Variants in ZMAT5 observed in about 807,000 individuals in gnomAD.
ZMAT5 encodes zinc finger matrin-type protein 5.
In ZMAT5, 23 loss-of-function variants were observed where a neutral mutation model predicts 28.0. The ratio of observed to expected loss-of-function variants is 0.82; its 90% confidence interval spans 0.59 to 1.16. ZMAT5 has a LOEUF of 1.16. Among genes scored for constraint, ZMAT5 ranks in the 50% most tolerant of loss-of-function variants. ZMAT5 has a pLI of 0.00. For synonymous variants in ZMAT5, 76 were observed against 84.1 expected (o/e 0.90, Z 0.52); for missense variants, 173 against 212.7 (o/e 0.81, Z 1.16).
chr22:29,745,535 G>C (rs539587678), intron 2 of ZMAT5, among the ~76,000 whole-genome samples: 46 of 152,364 alleles, frequency 3.0e-4, no homozygotes, highest in Non-Finnish European at 6.0e-4. Context: ...GATGAAGGCT[G>C]GAGGGAATCC....
chr22:29,762,375 T>C (rs900737439), intron 1 of ZMAT5, among the ~76,000 whole-genome samples: 1 of 152,240 alleles, frequency 6.6e-6, no homozygotes, highest in Admixed American at 6.5e-5. Flanking sequence ...TACGGGTCCA[T>C]GGCCTGTCAG....
chr22:29,742,653 G>A (rs1474253538), intron 2 of ZMAT5, among the ~76,000 whole-genome samples, 173 bp from the exon 3 acceptor site: 1 of 152,146 alleles, frequency 6.6e-6, no homozygotes. Flanking sequence ...TGGGAGTCCT[G>A]GGCAGATGGA....
At chr22:29,753,304 A>G (rs547863666) in intron 1 of ZMAT5, among the ~76,000 whole-genome samples, 6 of 152,350 alleles carry the variant, frequency 3.9e-5, no homozygotes, top group African/African-American at 1.4e-4. Context: ...AGGAGGGTGG[A>G]TAGTGAGGTC....
At chr22:29,735,180 T>G (rs1328779938) in intron 5 of ZMAT5, among the ~76,000 whole-genome samples, 1 of 152,084 alleles carries the variant, frequency 6.6e-6, no homozygotes, top group Non-Finnish European at 1.5e-5. Context: ...CTGCTAGGCT[T>G]CAGGAGACCA....
intron 5 of ZMAT5, among the ~76,000 whole-genome samples, chr22:29,734,080 C>T (rs1317811972): frequency 6.6e-6 from 1 of 152,210 alleles, no homozygotes; most frequent in Non-Finnish European, 1.5e-5. Context: ...GCAGCGCCCG[C>T]CCAGAGAGGG....
chr22:29,750,911 G>A (rs112110654), intron 1 of ZMAT5, among the ~76,000 whole-genome samples: 10 of 152,318 alleles, frequency 6.6e-5, no homozygotes, highest in African/African-American at 1.9e-4. Context: ...GTCAGGGGCT[G>A]TAATGGGATC....
chr22:29,764,994 CCTCTA>C (rs1374933074), intron 1 of ZMAT5, among the ~76,000 whole-genome samples: 17 of 152,192 alleles, frequency 1.1e-4, no homozygotes, highest in African/African-American at 4.1e-4. Flanking sequence ...TCATACCTCT[CCTCTA>C]AACTACAGAT....
intron 1 of ZMAT5, among the ~76,000 whole-genome samples, chr22:29,756,929 G>C (rs1218706273): frequency 6.6e-6 from 1 of 152,120 alleles, no homozygotes; most frequent in East Asian, 1.9e-4. Context: ...ATCCCAGCTA[G>C]TCGGGAGGCT....
intron 1 of ZMAT5, among the ~76,000 whole-genome samples, chr22:29,757,518 T>C (rs1237704874): frequency 6.6e-6 from 1 of 152,224 alleles, no homozygotes; most frequent in Admixed American, 6.5e-5. Context: ...AAATCATGCA[T>C]GCTAGCTGCT....
At chr22:29,761,269 CAA>C (rs131283) in intron 1 of ZMAT5, among the ~76,000 whole-genome samples, 54 of 59,522 alleles carry the variant, frequency 9.1e-4, no homozygotes, top group African/African-American at 3.1e-3. Flanking sequence ...AACTCCGTCT[CAA>C]AAAAAAAAAA....
At chr22:29,758,721 TAC>T (rs2068127333) in intron 1 of ZMAT5, 1 of 152,320 alleles carries the variant, frequency 6.6e-6, no homozygotes, top group Non-Finnish European at 1.5e-5. Flanking sequence ...TTTTAAAATT[TAC>T]ACACACACAA....
At chr22:29,739,576 C>T (rs2067941892) in intron 4 of ZMAT5, among the ~76,000 whole-genome samples, 1 of 152,220 alleles carries the variant, frequency 6.6e-6, no homozygotes. Flanking sequence ...GTCAGAGCTG[C>T]CAGCTGGGAC....
intron 1 of ZMAT5, among the ~76,000 whole-genome samples, chr22:29,756,817 G>A (rs1028453526): frequency 1.3e-5 from 2 of 152,102 alleles, no homozygotes; most frequent in Non-Finnish European, 2.9e-5. Context: ...GGAGGCTGAC[G>A]CAGGTGGATC....
intron 1 of ZMAT5, among the ~76,000 whole-genome samples, chr22:29,761,382 G>C (rs1192117298): frequency 1.3e-5 from 2 of 151,876 alleles, no homozygotes; most frequent in East Asian, 1.9e-4. Flanking sequence ...TTCAAAACCA[G>C]CCTGGGCAAC....
intron 5 of ZMAT5, 97 bp downstream of exon 5, chr22:29,738,233 G>T: frequency 8.3e-7 from 1 of 1,203,624 alleles, no homozygotes; most frequent in Non-Finnish European, 1.2e-6. Context: ...CCTGGGCCTG[G>T]GCAGTTCATG....
At chr22:29,737,155 C>T (rs2067913930) in intron 5 of ZMAT5, among the ~76,000 whole-genome samples, 1 of 151,860 alleles carries the variant, frequency 6.6e-6, no homozygotes, top group Non-Finnish European at 1.5e-5. Context: ...CATGGTAAAA[C>T]CCCATCTCTA....
intron 1 of ZMAT5, among the ~76,000 whole-genome samples, chr22:29,755,368 G>GGGAGGGAGGGAGA (rs1569340083): frequency 1.0e-4 from 6 of 59,300 alleles, no homozygotes; most frequent in African/African-American, 1.9e-4. Flanking sequence ...GGAGGGAGGG[G>GGGAGGGAGGGAGA]GAGAGAGAGA....
Position 29,748,431 on chromosome 22 carries a change from G to A in ZMAT5, c.114C>T (p.Tyr38=), listed in dbSNP as rs563991361. Reference sequence around the variant, plus strand: ...AGCGGCACCCACCTCGGAACATGTCGTACCAGACCTTCTTGGCCTTGAGGT... The same window carrying A: ...AGCGGCACCCACCTCGGAACATGTCATACCAGACCTTCTTGGCCTTGAGGT... ...LQHLKAKKVW[Y]DMFRDAAAIL... is the part of the protein sequence containing the mutation. The change falls in exon 2 of 6, where the codon TAC becomes TAT. Residue 38 remains tyrosine (Y), a synonymous_variant. Transcript: ENST00000344318. 8.7e-6 allele frequency: 14 copies of A among 1,614,236 alleles called. No individual in the cohort carries two copies. Among genetic ancestry groups the A allele is most frequent in the Admixed American group, 3.3e-5 (2 of 60,020 alleles).
At chr22:29,744,302 A>C (rs1000959872) in intron 2 of ZMAT5, among the ~76,000 whole-genome samples, 1 of 140,782 alleles carries the variant, frequency 7.1e-6, no homozygotes, top group African/African-American at 2.6e-5. Flanking sequence ...AAACATCCCC[A>C]CTTTGCAGAG....
Sources: gnomAD v4.1 joint callset for allele counts (sites outside exome capture counted in the v4.1 genomes callset) on GRCh38, gnomAD v4.1.1 for gene constraint, MANE v1.5 for transcripts, NCBI Gene and HGNC (gene_info 2026-07-23, HGNC 2026-07-21) for gene names.